CDT1: variants seen among roughly 807,000 people sequenced by gnomAD.
CDT1 encodes DNA replication factor Cdt1.
CDT1 carries 66 observed loss-of-function variants against 49.3 expected under a neutral mutation model. The ratio of observed to expected loss-of-function variants is 1.34; its 90% CI spans 1.10 to 1.64. The LOEUF (loss-of-function observed/expected upper bound fraction) is 1.64, where lower values mean the gene tolerates loss of function less well. CDT1 is among the 40% of genes most tolerant of loss of function. The pLI, the probability that CDT1 is intolerant of heterozygous loss-of-function variation, is 0.00. For synonymous variants in CDT1, 424 were observed against 347.4 expected (o/e 1.22, Z -2.45); for missense variants, 958 against 807.7 (o/e 1.19, Z -2.26).
chr16:88,808,216 G>A lies in CDT1; in HGVS notation c.1579G>A (p.Ala527Thr), dbSNP rs759835025. ...TDTYVKLDKA[A>T]DLAHITARLA... Reference sequence around the variant, plus strand: ...CACCTACGTCAAGCTGGACAAGGCCGCGGACCTCGCCCACATCACTGCACG... The same window carrying A: ...CACCTACGTCAAGCTGGACAAGGCCACGGACCTCGCCCACATCACTGCACG... The change falls in exon 10 of 10, where the codon GCG becomes ACG. Residue 527 changes from alanine to threonine, a missense_variant. Transcript: ENST00000301019. 1.4e-5 allele frequency: 22 copies of A among 1,610,692 alleles called. No homozygotes were observed. Among genetic ancestry groups the A allele is most frequent in the Middle Eastern group, 1.6e-4 (1 of 6,082 alleles).
intron 7 of CDT1, 69 bp downstream of exon 7, chr16:88,806,743 A>T: frequency 3.3e-6 from 5 of 1,526,724 alleles, no homozygotes; most frequent in Non-Finnish European, 4.4e-6. Flanking sequence ...CAGGCTTAAG[A>T]GGTGGAAGCC....
intron 6 of CDT1, 131 bp from the exon 7 acceptor site, chr16:88,806,355 T>C: frequency 8.4e-7 from 1 of 1,189,278 alleles, no homozygotes; most frequent in South Asian, 1.3e-5. Context: ...CCCTCCAAGC[T>C]GAGCACTGGG....
At position 88,806,048 on chromosome 16, in the gene CDT1, C is replaced by T. The variant is rs765701438; in HGVS notation, c.860C>T (p.Thr287Met). The T allele has an allele frequency of 8.8e-6, 14 of 1,594,840 alleles. No homozygotes were observed. Among genetic ancestry groups the T allele is most frequent in the African/African-American group, 1.3e-5 (1 of 74,742 alleles). Residue 287 changes from threonine to methionine, a missense_variant, in exon 6 of 10, where the codon ACG becomes ATG. Thr to Met is a moderately conservative substitution (Grantham distance 81, BLOSUM62 -1). Transcript: ENST00000301019. ...GCTGACGGAGCAGCCCCCCAGCTCACGGCCTCGCGCCTCCTGCAGCGACGG... is the reference window on the plus strand; with the variant it reads ...GCTGACGGAGCAGCCCCCCAGCTCATGGCCTCGCGCCTCCTGCAGCGACGG... ...QEADGAAPQL[T>M]ASRLLQRRQI...
rs1274757083 is a variant in CDT1, at chr16:88,805,651, G to T, written c.686+14G>T. On this transcript the variant is annotated intron_variant, in intron 4 of 9. Transcript: ENST00000301019. Reference sequence around the variant, plus strand: ...CATGATGCGTAGGTGAGTGGCCGGGGGTGGGCTGTGGCTGTCCTGGAGTTG... The same window carrying T: ...CATGATGCGTAGGTGAGTGGCCGGGTGTGGGCTGTGGCTGTCCTGGAGTTG... 6.2e-7 allele frequency: 1 copy of T among 1,612,636 alleles called. No homozygotes were observed. The highest frequency in any genetic ancestry group is 1.7e-4 in the Middle Eastern group (1 of 6,056).
chr16:88,807,987 G>C (rs1284921827), intron 9 of CDT1, 128 bp from the exon 10 acceptor site: 1 of 1,020,710 alleles, frequency 9.8e-7, no homozygotes, highest in Non-Finnish European at 1.5e-6. Flanking sequence ...TCTGCCCTAA[G>C]TCCTGGTGAT....
intron 1 of CDT1, 84 bp downstream of exon 1, chr16:88,804,143 C>A: frequency 2.8e-6 from 2 of 722,344 alleles, no homozygotes; most frequent in Non-Finnish European, 3.8e-6. Flanking sequence ...GAAACTGAGG[C>A]GGAGGGACGG....
intron 1 of CDT1, 111 bp downstream of exon 1, chr16:88,804,170 G>C: frequency 1.4e-6 from 1 of 738,654 alleles, no homozygotes; most frequent in African/African-American, 1.9e-5. Flanking sequence ...GGAAACAGGC[G>C]GGGGGGACGG....
chr16:88,804,975 G>C, intron 3 of CDT1, 77 bp downstream of exon 3: 1 of 1,513,534 alleles, frequency 6.6e-7, no homozygotes, highest in East Asian at 2.5e-5. Context: ...GAGCCTGTCA[G>C]AGGCCCAGGT....
Position 88,806,472 on chromosome 16 carries a change from C to T in CDT1, c.934-14C>T, listed in dbSNP as rs1908859880. On this transcript the variant is annotated splice_polypyrimidine_tract_variant and intron_variant, in intron 6 of 9. Coordinates refer to ENST00000301019, the MANE Select transcript of CDT1 (RefSeq NM_030928.4). ...AGATGTGCCCAGGGTCACCCATCTA[C>T]TCCTTCTCCCCAGGCCTTCCTGGCC... 1 of 1,609,524 alleles carries T rather than the reference C, an allele frequency of 6.2e-7. No homozygotes were observed. Among genetic ancestry groups the T allele is most frequent in the Admixed American group, 1.7e-5 (1 of 59,770 alleles).
Position 88,808,355 on chromosome 16 carries a change from C to A in CDT1, c.*77C>A. 1.4e-6 allele frequency: 2 copies of A among 1,478,064 alleles called. No homozygotes were observed. The highest frequency in any genetic ancestry group is 2.0e-5 in the Admixed American group (1 of 49,600). 91.6% of individuals were successfully genotyped at this position (1,478,064 alleles called of 1,614,324 possible). ...GCCCACCAGCATTTTCTTTTATGAACATGATACACTTTGGCCTTCCTTTCC... is the reference window on the plus strand; with the variant it reads ...GCCCACCAGCATTTTCTTTTATGAAAATGATACACTTTGGCCTTCCTTTCC... On this transcript the variant is annotated 3_prime_UTR_variant, in exon 10 of 10. Coordinates refer to ENST00000301019, the MANE Select transcript of CDT1 (RefSeq NM_030928.4).
At chr16:88,807,678 C>T (rs1908919276) in intron 9 of CDT1, among the ~76,000 whole-genome samples, 196 bp downstream of exon 9, 1 of 152,240 alleles carries the variant, frequency 6.6e-6, no homozygotes, top group Non-Finnish European at 1.5e-5. Flanking sequence ...CGCCCGGCCC[C>T]TCCACACCTG....
chr16:88,806,700 C>T lies in CDT1; in HGVS notation c.1122+26C>T, dbSNP rs75272861. 1.6e-3 allele frequency: 2,489 copies of T among 1,569,302 alleles called. 54 individuals carry two copies. The East Asian group carries it at 0.053, about 33-fold the overall frequency. On this transcript the variant is annotated intron_variant, in intron 7 of 9. Transcript: ENST00000301019. Reference sequence around the variant, plus strand: ...GTGAGACTGCGAGGCTTGGGCAGCCCATTTCTCCCGGGTGGGTGGGCCAGC... The same window carrying T: ...GTGAGACTGCGAGGCTTGGGCAGCCTATTTCTCCCGGGTGGGTGGGCCAGC...
intron 1 of CDT1, 60 bp from the exon 2 acceptor site, chr16:88,804,485 C>T: frequency 1.9e-6 from 3 of 1,587,388 alleles, no homozygotes; most frequent in Non-Finnish European, 2.6e-6. Context: ...TCGGGGTCCT[C>T]TGCAGAGCCA....
intron 6 of CDT1, 53 bp from the exon 7 acceptor site, chr16:88,806,433 T>C: frequency 6.3e-7 from 1 of 1,586,182 alleles, no homozygotes; most frequent in Non-Finnish European, 8.6e-7. Context: ...TCACATGCAG[T>C]CTGCCCTTGT....
In CDT1 at chr16:88,804,602, CAGAAGATAAAGAA is replaced by C. The variant is rs1188624254; in HGVS notation, c.288_300del (p.Gln96HisfsTer12). The C allele has an allele frequency of 1.2e-6, 2 of 1,612,980 alleles. No individual in the cohort carries two copies. The highest frequency in any genetic ancestry group is 2.7e-5 in the African/African-American group (2 of 75,034). The stretch of plus-strand genomic sequence containing the variant: ...CATCCCAGCCTGCCCTTCTCCGGGC[CAGAAGATAAAGAA>C]ATCCACCCCGGCAGCAGGTCAGCCG... On this transcript the variant is annotated frameshift_variant, in exon 2 of 10. Coordinates refer to ENST00000301019, the MANE Select transcript of CDT1 (RefSeq NM_030928.4). LOFTEE classifies it high-confidence loss of function.
rs3218723 is a variant in CDT1 at position 88,808,284 on chromosome 16, G to C, written c.*6G>C. On this transcript the variant is annotated 3_prime_UTR_variant, in exon 10 of 10. Coordinates refer to ENST00000301019, the MANE Select transcript of CDT1 (RefSeq NM_030928.4). ...GTGCTGAGGAGGGGCTGTGAGCCTG[G>C]GGGCCACTGTGGACAGACGTGGGCT... is the stretch of plus-strand genomic sequence containing the variant. 5,585 of 1,579,418 alleles carry C rather than the reference G, an allele frequency of 3.5e-3. 119 individuals carry two copies. The African/African-American group carries it at 0.054, about 15-fold the overall frequency.
rs1345848507 is a variant in CDT1, at chr16:88,807,430, G to A, written c.1425G>A (p.Met475Ile). 1 of 1,613,032 alleles carries A rather than the reference G, an allele frequency of 6.2e-7. No individual in the cohort carries two copies. The highest frequency in any genetic ancestry group is 1.3e-5 in the African/African-American group (1 of 74,950). ...FVSERKPALS[M>I]EVACARMVGS... ...CCGAACGCAAGCCTGCGCTCAGCAT[G>A]GAGGTGGCCTGTGCCAGGATGGTGG... Residue 475 changes from methionine to isoleucine, a missense_variant, in exon 9 of 10, where the codon ATG (methionine) becomes ATA (isoleucine). Met to Ile is a conservative substitution (Grantham distance 10). Coordinates refer to ENST00000301019, the MANE Select transcript of CDT1 (RefSeq NM_030928.4).
rs764724746 is a variant in CDT1 at position 88,805,796 on chromosome 16, C to T, written c.759C>T (p.Arg253=). The T allele has an allele frequency of 2.5e-6, 4 of 1,613,192 alleles. No individual in the cohort carries two copies. The East Asian group carries it at 8.9e-5, about 36-fold the overall frequency. The part of the protein sequence containing the change: ...YPASYRFRQE[R]SVPTFKDGTR... ...CCTCCTACCGCTTCCGCCAGGAGCG[C>T]AGTGTCCCCACCTTCAAGGATGGCA... Residue 253 remains arginine, a synonymous_variant, in exon 5 of 10, where the codon CGC becomes CGT. Coordinates refer to ENST00000301019, the MANE Select transcript of CDT1 (RefSeq NM_030928.4).
Position 88,808,334 on chromosome 16 carries a change from AC to A in CDT1, c.*58del, listed in dbSNP as rs1908951759. The A allele has an allele frequency of 1.3e-6, 2 of 1,524,966 alleles. No homozygotes were observed. Among genetic ancestry groups the A allele is most frequent in the Non-Finnish European group, 8.8e-7 (1 of 1,131,366 alleles). 94.5% of individuals were successfully genotyped at this position (1,524,966 alleles called of 1,614,324 possible). A position where few individuals can be genotyped will look rare whatever the true frequency, so the allele number is the denominator to read the frequency against. ...TTCAGAAGCTCGCTGGCCTGGGCCC[AC>A]CAGCATTTTCTTTTATGAACATGAT... On this transcript the variant is annotated 3_prime_UTR_variant, in exon 10 of 10. Transcript: ENST00000301019.
Sources: gnomAD v4.1 joint callset for allele counts (sites outside exome capture counted in the v4.1 genomes callset) on GRCh38, gnomAD v4.1.1 for gene constraint, MANE v1.5 for transcripts, NCBI Gene and HGNC (gene_info 2026-07-23, HGNC 2026-07-21) for gene names.